The following PPAN variants were observed in gnomAD, a reference collection of about 807,000 sequenced individuals.
PPAN encodes suppressor of SWI4 1 homolog.
A neutral mutation model predicts 48.5 loss-of-function variants in PPAN; 39 were observed. That is an observed-to-expected ratio of 0.80 (90% CI 0.62 to 1.05). The LOEUF is 1.05. PPAN is among the 50% of genes least tolerant of loss of function. PPAN has a pLI of 0.00. For synonymous variants in PPAN, 315 were observed against 268.6 expected (o/e 1.17, Z -1.69); for missense variants, 736 against 661.7 (o/e 1.11, Z -1.23).
chr19:10,107,952 C>T lies in PPAN; in HGVS notation c.343-12C>T, dbSNP rs754067825. ...GGTTGGTGGTCACCCCCTCCTCTCT[C>T]CTGTCCTACAGTACTCGCTGGTGCG... On this transcript the variant is annotated splice_polypyrimidine_tract_variant and intron_variant, in intron 4 of 11. Coordinates refer to ENST00000253107, the MANE Select transcript of PPAN (RefSeq NM_020230.7). 6.2e-6 allele frequency: 10 copies of T among 1,601,212 alleles called. 1 individual carries two copies. The South Asian group carries it at 1.0e-4, about 16-fold the overall frequency.
chr19:10,109,858 AGCCCCATCACGT>A (rs2088982649), intron 6 of PPAN, 43 bp from the exon 7 acceptor site: 1 of 1,604,854 alleles, frequency 6.2e-7, no homozygotes, highest in Non-Finnish European at 8.5e-7. Context: ...GGGCACCGCC[AGCCCCATCACGT>A]GCCCCCTGAC....
chr19:10,107,883 A>C, intron 4 of PPAN, 29 bp downstream of exon 4: 1 of 1,609,050 alleles, frequency 6.2e-7, no homozygotes, highest in Non-Finnish European at 8.5e-7. Context: ...GTACAAAGCC[A>C]TGTGGGGTGG....
At chr19:10,107,729 G>C (rs755692063) in intron 3 of PPAN, 75 bp from the exon 4 acceptor site, 1 of 1,611,456 alleles carries the variant, frequency 6.2e-7, no homozygotes, top group South Asian at 1.1e-5. Flanking sequence ...CTGAAGAAGA[G>C]ATGGGGCAAA....
At position 10,111,844 on chromosome 19, in the gene PPAN, G is replaced by C; in HGVS notation, c.*679G>C. The C allele has an allele frequency of 7.4e-7, 1 of 1,358,330 alleles. No individual in the cohort carries two copies. Among genetic ancestry groups the C allele is most frequent in the Admixed American group, 1.9e-5 (1 of 52,790 alleles). 84.1% of individuals were successfully genotyped at this position (1,358,330 alleles called of 1,614,324 possible). A position where few individuals can be genotyped will look rare whatever the true frequency, so the allele number is the denominator to read the frequency against. ...CCTAGGTCTGGGGCTGGGCACGGTG[G>C]CTCACGCCTGTAATCCCAGCACTTT... On this transcript the variant is annotated 3_prime_UTR_variant, in exon 12 of 12. Transcript: ENST00000253107.
In PPAN at chr19:10,110,126, C is replaced by T. The variant is rs1303807823; in HGVS notation, c.702C>T (p.Gly234=). 8 of 1,610,644 alleles carry T rather than the reference C, an allele frequency of 5.0e-6. No individual in the cohort carries two copies. Among genetic ancestry groups the T allele is most frequent in the Admixed American group, 1.7e-5 (1 of 59,990 alleles). Residue 234 remains glycine (G), a synonymous_variant, in exon 8 of 12, where the codon GGC becomes GGT. Coordinates refer to ENST00000253107, the MANE Select transcript of PPAN (RefSeq NM_020230.7). This position sits in a 1 kb window ranked among gnomAD's most constrained non-coding sequence, Gnocchi z 5.9. ...LQDISELLAT[G]AGLSESEAEP... is the part of the protein sequence containing the mutation. ...CCCTGTTATGTCCTACACACAGGGG[C>T]GCGGGGCTGTCGGAGAGCGAGGCAG...
intron 2 of PPAN, among the ~76,000 whole-genome samples, chr19:10,107,158 G>C: frequency 6.6e-6 from 1 of 152,168 alleles, no homozygotes; most frequent in East Asian, 1.9e-4. Context: ...CTTCACTCCA[G>C]TCTGGGCGAC....
Position 10,107,825 on chromosome 19 carries a change from G to T in PPAN, c.313G>T (p.Gly105Cys). The change falls in exon 4 of 12, where the codon GGC (glycine) becomes TGC (cysteine). Residue 105 changes from glycine to cysteine, a missense_variant. Coordinates refer to ENST00000253107, the MANE Select transcript of PPAN (RefSeq NM_020230.7). ...GCAGAAGCTGATGCGCCTCCCAGGAGGCCCCACCTTGACCTTCCAGGTCAA... is the reference window on the plus strand; with the variant it reads ...GCAGAAGCTGATGCGCCTCCCAGGATGCCCCACCTTGACCTTCCAGGTCAA... Reference protein sequence around the residue: ...VYFKLMRLPGGPTLTFQVKKY... With the variant: ...VYFKLMRLPGCPTLTFQVKKY... The T allele has an allele frequency of 1.2e-6, 2 of 1,613,726 alleles. No homozygotes were observed. Among genetic ancestry groups the T allele is most frequent in the Non-Finnish European group, 8.5e-7 (1 of 1,179,692 alleles).
At chr19:10,108,430 C>G (rs968247026) in intron 5 of PPAN, among the ~76,000 whole-genome samples, 1 of 152,104 alleles carries the variant, frequency 6.6e-6, no homozygotes, top group African/African-American at 2.4e-5. Context: ...ATCGTAGCAT[C>G]TCTTCTTAGG....
At position 10,110,284 on chromosome 19, in the gene PPAN, G is replaced by T; in HGVS notation, c.822+38G>T. 1 of 1,613,120 alleles carries T rather than the reference G, an allele frequency of 6.2e-7. No individual in the cohort carries two copies. Among genetic ancestry groups the T allele is most frequent in the South Asian group, 1.1e-5 (1 of 91,030 alleles). ...GCAGGGGGACCCCCGGGCTCCACCA[G>T]TCCCAACGGTGGGCTGACGCTTCTT... On this transcript the variant is annotated intron_variant, in intron 8 of 11. Coordinates refer to ENST00000253107, the MANE Select transcript of PPAN (RefSeq NM_020230.7). This position sits in a 1 kb window ranked among gnomAD's most constrained non-coding sequence, Gnocchi z 5.9.
chr19:10,108,608 C>T (rs1204183645), intron 5 of PPAN, among the ~76,000 whole-genome samples: 1 of 152,000 alleles, frequency 6.6e-6, no homozygotes, highest in Non-Finnish European at 1.5e-5. Flanking sequence ...TTTAAAAAGC[C>T]CGGTGTGGCG....
At chr19:10,106,309 C>A (rs756229840), upstream of PPAN, 18 of 1,541,244 alleles carry the variant, frequency 1.2e-5, no homozygotes, top group Non-Finnish European at 1.4e-5. Flanking sequence ...TGTCGTCCCA[C>A]GCCGTGCCGG....
Position 10,110,410 on chromosome 19 carries a change from CG to C in PPAN, c.901+12del, listed in dbSNP as rs759259417. 20 of 1,612,678 alleles carry C rather than the reference CG, an allele frequency of 1.2e-5. No homozygotes were observed. In the South Asian group the frequency reaches 2.2e-4, roughly 18 times the overall value. On this transcript the variant is annotated intron_variant, in intron 9 of 11. Coordinates refer to ENST00000253107, the MANE Select transcript of PPAN (RefSeq NM_020230.7). This position sits in a 1 kb window ranked among gnomAD's most constrained non-coding sequence, Gnocchi z 5.9. ...TGATGTTCCACAGTTTTGGTGAGGC[CG>C]GGGCCGCCGGGGGTGGGGGGTCATG...
chr19:10,110,272 C>G lies in PPAN; in HGVS notation c.822+26C>G. The G allele has an allele frequency of 3.7e-6, 6 of 1,612,340 alleles. No homozygotes were observed. Among genetic ancestry groups the G allele is most frequent in the Non-Finnish European group, 5.1e-6 (6 of 1,179,562 alleles). On this transcript the variant is annotated intron_variant, in intron 8 of 11. Transcript: ENST00000253107. The surrounding 1 kb of genome is among the most constrained non-coding windows in gnomAD (Gnocchi z 5.9). ...GTGAGGCCCAGGGCAGGGGGACCCCCGGGCTCCACCAGTCCCAACGGTGGG... is the reference window on the plus strand; with the variant it reads ...GTGAGGCCCAGGGCAGGGGGACCCCGGGGCTCCACCAGTCCCAACGGTGGG...
rs748227780 is a variant in PPAN, at chr19:10,110,942, C to G, written c.1202-3C>G. On this transcript the variant is annotated splice_region_variant and splice_polypyrimidine_tract_variant and intron_variant, in intron 11 of 11. Coordinates refer to ENST00000253107, the MANE Select transcript of PPAN (RefSeq NM_020230.7). The surrounding 1 kb of genome is among the most constrained non-coding windows in gnomAD (Gnocchi z 5.9). ...GGGGCCCTGACACTGTCTCTCCCCA[C>G]AGACCTGTTCCCCGAGGCCAAGCAG... 6.2e-7 allele frequency: 1 copy of G among 1,613,442 alleles called. No individual in the cohort carries two copies.
chr19:10,106,448 G>A (rs1402643355), intron 1 of PPAN, 36 bp downstream of exon 1: 1 of 1,547,294 alleles, frequency 6.5e-7, no homozygotes, highest in Non-Finnish European at 8.7e-7. Context: ...GGTGGCGCAG[G>A]TGGGGTCCCG....
rs188331742 is a variant in PPAN at position 10,111,781 on chromosome 19, A to G, written c.*616A>G. 262 of 1,611,470 alleles carry G rather than the reference A, an allele frequency of 1.6e-4. No homozygotes were observed. The highest frequency in any genetic ancestry group is 1.2e-3 in the Admixed American group (71 of 59,880). ...GTTGGCTGTCTCTGGGGGTCTGCAG[A>G]TTGTCAGGAGGTGGGGGTAGTGGGT... On this transcript the variant is annotated 3_prime_UTR_variant, in exon 12 of 12. Coordinates refer to ENST00000253107, the MANE Select transcript of PPAN (RefSeq NM_020230.7).
In PPAN at chr19:10,110,247, G is replaced by A; in HGVS notation, c.822+1G>A. On this transcript the variant is annotated splice_donor_variant, in intron 8 of 11. Coordinates refer to ENST00000253107, the MANE Select transcript of PPAN (RefSeq NM_020230.7). LOFTEE classifies it high-confidence loss of function. The surrounding 1 kb of genome is among the most constrained non-coding windows in gnomAD (Gnocchi z 5.9). ...GCAGAGTGCAGTGCGGCTCACCGAGGTGAGGCCCAGGGCAGGGGGACCCCC... is the reference window on the plus strand; with the variant it reads ...GCAGAGTGCAGTGCGGCTCACCGAGATGAGGCCCAGGGCAGGGGGACCCCC... The A allele has an allele frequency of 6.2e-7, 1 of 1,611,974 alleles. No individual in the cohort carries two copies. The highest frequency in any genetic ancestry group is 8.5e-7 in the Non-Finnish European group (1 of 1,179,652).
chr19:10,107,459 A>G (rs1394656383), intron 2 of PPAN, 46 bp from the exon 3 acceptor site: 7 of 1,596,886 alleles, frequency 4.4e-6, no homozygotes, highest in Non-Finnish European at 6.0e-6. Flanking sequence ...AGTTGTCACA[A>G]CAAGGGATAA....
chr19:10,110,126 C>A lies in PPAN; in HGVS notation c.702C>A (p.Gly234=), dbSNP rs1303807823. 6.2e-7 allele frequency: 1 copy of A among 1,610,762 alleles called. No individual in the cohort carries two copies. The highest frequency in any genetic ancestry group is 8.5e-7 in the Non-Finnish European group (1 of 1,179,892). The change falls in exon 8 of 12, where the codon GGC becomes GGA. Residue 234 remains glycine, a synonymous_variant. Transcript: ENST00000253107. The surrounding 1 kb of genome is among the most constrained non-coding windows in gnomAD (Gnocchi z 5.9). ...LQDISELLAT[G]AGLSESEAEP... ...CCCTGTTATGTCCTACACACAGGGG[C>A]GCGGGGCTGTCGGAGAGCGAGGCAG...
Sources: allele counts gnomAD v4.1 joint callset (sites outside exome capture counted in the v4.1 genomes callset), GRCh38; gene constraint gnomAD v4.1.1; non-coding constraint Gnocchi (gnomAD v3.1); transcripts MANE v1.5; gene names NCBI Gene and HGNC (gene_info 2026-07-23, HGNC 2026-07-21).